The following CFAP20DC variants were observed in gnomAD, a reference collection of about 807,000 sequenced individuals.
The protein encoded by CFAP20DC is protein CFAP20DC.
In CFAP20DC, 84 loss-of-function variants were observed where a neutral mutation model predicts 101.7. The ratio of observed to expected loss-of-function variants is 0.83; its 90% confidence interval spans 0.69 to 0.99. The LOEUF (loss-of-function observed/expected upper bound fraction) is 0.99. Ranked by LOEUF, CFAP20DC falls within the 50% of genes least tolerant of loss-of-function variation. CFAP20DC has a pLI of 0.00. For synonymous variants in CFAP20DC, 359 were observed against 351.2 expected, an observed-to-expected ratio of 1.02 and a Z score of -0.25; for missense variants, 1,007 against 970.3, an observed-to-expected ratio of 1.04 and a Z score of -0.50.
chr3:58,759,294 G>A lies in CFAP20DC; in HGVS notation c.2238-5431C>T, dbSNP rs370831870. Among the ~76,000 whole-genome samples the A allele has an allele frequency of 1.6e-4, 24 of 152,270 alleles. No individual in the cohort carries two copies. The South Asian group carries it at 4.6e-3, about 29-fold the overall frequency. On this transcript the variant is annotated intron_variant, in intron 15 of 16. Transcript: ENST00000482387. Reference sequence around the variant, plus strand: ...TGCATTTCTCTGATGGCCAGTGATGGTGAGCATTTTTTCATATGTCTTTTG... The same window carrying A: ...TGCATTTCTCTGATGGCCAGTGATGATGAGCATTTTTTCATATGTCTTTTG...
intron 12 of CFAP20DC, among the ~76,000 whole-genome samples, chr3:58,850,905 C>T (rs1219770695): frequency 2.0e-5 from 3 of 152,116 alleles, no homozygotes; most frequent in Non-Finnish European, 4.4e-5. Flanking sequence ...CCATCATACA[C>T]ACTCAACATA....
intron 5 of CFAP20DC, chr3:58,915,071 T>C (rs1224776902): frequency 6.6e-6 from 1 of 152,186 alleles, no homozygotes; most frequent in Non-Finnish European, 1.5e-5. Context: ...ACTGCGGTTC[T>C]TTACAAAAGA....
intron 5 of CFAP20DC, among the ~76,000 whole-genome samples, chr3:58,917,933 A>G (rs995256727): frequency 6.6e-6 from 1 of 152,176 alleles, no homozygotes; most frequent in Non-Finnish European, 1.5e-5. Flanking sequence ...AGTTTCTTGC[A>G]GAAGTATTGT....
At chr3:58,974,632 A>T (rs556579416) in intron 4 of CFAP20DC, among the ~76,000 whole-genome samples, 1 of 152,190 alleles carries the variant, frequency 6.6e-6, no homozygotes. Flanking sequence ...TATCTATGAT[A>T]AACATTTAAA....
chr3:58,970,344 G>A (rs1170704859), intron 4 of CFAP20DC: 1 of 152,146 alleles, frequency 6.6e-6, no homozygotes, highest in East Asian at 1.9e-4. Context: ...AATGACTGGT[G>A]TCTTTATAAA....
rs890406271 is a variant in CFAP20DC at position 58,783,739 on chromosome 3, A to G, written c.2237+22656T>C. Among the ~76,000 whole-genome samples, 3 of 152,134 alleles carry G rather than the reference A, an allele frequency of 2.0e-5. No homozygotes were observed. The South Asian group carries it at 6.2e-4, about 32-fold the overall frequency. ...CAGGGAAATGTAAATCAAAACCACA[A>G]TGAGATATCGTCTGACCCCAGTCAG... On this transcript the variant is annotated intron_variant, in intron 15 of 16. Transcript: ENST00000482387.
chr3:58,814,164 C>A (rs1314565442), intron 14 of CFAP20DC, among the ~76,000 whole-genome samples: 2 of 151,782 alleles, frequency 1.3e-5, no homozygotes, highest in African/African-American at 4.9e-5. Context: ...ACCTGATATT[C>A]AGGTGAATTT....
At chr3:58,753,460 C>G (rs1456539625) in intron 16 of CFAP20DC, among the ~76,000 whole-genome samples, 1 of 152,160 alleles carries the variant, frequency 6.6e-6, no homozygotes, top group Admixed American at 6.5e-5. Context: ...AAAGGTCACA[C>G]AGTGGGAACT....
chr3:58,842,708 G>A (rs957732875), intron 13 of CFAP20DC, among the ~76,000 whole-genome samples: 2 of 152,230 alleles, frequency 1.3e-5, no homozygotes, highest in Non-Finnish European at 2.9e-5. Context: ...ACCTCTGGGG[G>A]CAGGGCACAG....
rs1264200472 is a variant in CFAP20DC, at chr3:58,868,186, T to C, written c.1016-250A>G. On this transcript the variant is annotated intron_variant, in intron 9 of 16. Coordinates refer to ENST00000482387, the MANE Select transcript of CFAP20DC (RefSeq NM_001394063.1). The surrounding 1 kb of genome is among the most constrained non-coding windows in gnomAD (Gnocchi z 4.6). ...AATATAACCTTATAGAGGGCTAAAG[T>C]AATTTGACTAATGTTAATCATACAA... Among the ~76,000 whole-genome samples, 1 of 152,156 alleles carries C rather than the reference T, an allele frequency of 6.6e-6. No homozygotes were observed. The highest frequency in any genetic ancestry group is 1.5e-5 in the Non-Finnish European group (1 of 68,012).
rs577633970 is a variant in CFAP20DC at position 58,854,272 on chromosome 3, T to C, written c.1594-4863A>G. ...AGAAGAAAATACCTAGGAATCCAAC[T>C]TACAAGGGATGTGAAGGACCTCTTC... is the stretch of plus-strand genomic sequence containing the variant. On this transcript the variant is annotated intron_variant, in intron 12 of 16. Transcript: ENST00000482387. Among the ~76,000 whole-genome samples the C allele has an allele frequency of 3.7e-3, 557 of 151,578 alleles. 4 individuals are homozygous for C. The highest frequency in any genetic ancestry group is 0.012 in the African/African-American group (510 of 41,222).
chr3:58,982,476 A>G (rs1427919254), intron 4 of CFAP20DC, among the ~76,000 whole-genome samples: 1 of 151,982 alleles, frequency 6.6e-6, no homozygotes, highest in African/African-American at 2.4e-5. Flanking sequence ...ACAATGATAG[A>G]CTGGATTAAG....
intron 16 of CFAP20DC, among the ~76,000 whole-genome samples, chr3:58,746,003 A>G (rs554660184): frequency 6.6e-5 from 10 of 152,228 alleles, no homozygotes; most frequent in Non-Finnish European, 1.3e-4. Context: ...CATCATGGAA[A>G]ACAGGATATG....
At chr3:58,962,106 T>C (rs1352490995) in intron 4 of CFAP20DC, among the ~76,000 whole-genome samples, 1 of 152,214 alleles carries the variant, frequency 6.6e-6, no homozygotes, top group Non-Finnish European at 1.5e-5. Flanking sequence ...GAAACTTAGG[T>C]TATTGATTTG....
chr3:58,904,451 A>G (rs1216534736), intron 6 of CFAP20DC, among the ~76,000 whole-genome samples: 1 of 151,978 alleles, frequency 6.6e-6, no homozygotes, highest in East Asian at 1.9e-4. Flanking sequence ...TCTTGTCCTG[A>G]GGAGATTTGC....
At chr3:58,936,367 G>A (rs956583036) in intron 5 of CFAP20DC, among the ~76,000 whole-genome samples, 20 of 152,130 alleles carry the variant, frequency 1.3e-4, no homozygotes, top group Admixed American at 3.3e-4. Context: ...TCAGTGTGGC[G>A]ATTCCTCAGG....
chr3:59,004,524 A>G (rs1177311484), intron 4 of CFAP20DC, among the ~76,000 whole-genome samples: 1 of 152,182 alleles, frequency 6.6e-6, no homozygotes, highest in Non-Finnish European at 1.5e-5. Flanking sequence ...ACAGATTACC[A>G]ACTAGAGGCC....
intron 4 of CFAP20DC, among the ~76,000 whole-genome samples, chr3:58,987,826 T>C (rs1279480514): frequency 6.6e-6 from 1 of 152,004 alleles, no homozygotes; most frequent in Non-Finnish European, 1.5e-5. Context: ...AGAAATGGTA[T>C]TGGTGGTTAA....
chr3:59,023,995 CAG>C (rs1375715907), intron 4 of CFAP20DC, among the ~76,000 whole-genome samples: 3 of 152,040 alleles, frequency 2.0e-5, no homozygotes, highest in African/African-American at 7.2e-5. Flanking sequence ...TTTGAAGTAA[CAG>C]AGGGGATTCA....
Sources: gnomAD v4.1 joint callset for allele counts (sites outside exome capture counted in the v4.1 genomes callset) on GRCh38, gnomAD v4.1.1 for gene constraint, Gnocchi (gnomAD v3.1) non-coding constraint, MANE v1.5 for transcripts, NCBI Gene and HGNC (gene_info 2026-07-23, HGNC 2026-07-21) for gene names.